The following CPAMD8 variants were observed in gnomAD, a reference collection of about 807,000 sequenced individuals.
The protein encoded by CPAMD8 is C3 and PZP like alpha-2-macroglobulin domain containing 8.
Under a neutral mutation model 224.7 loss-of-function variants are expected in CPAMD8, and 146 were observed. That is an observed-to-expected ratio of 0.65 (90% confidence interval 0.57 to 0.75). The LOEUF is 0.75. CPAMD8 is among the 30% of genes least tolerant of loss of function. The probability of loss-of-function intolerance (pLI) is 0.00; values close to 1 mark genes in which losing one functional copy is unlikely to be tolerated. For synonymous variants in CPAMD8, 966 were observed against 1,044.6 expected, an observed-to-expected ratio of 0.92 and a Z score of 1.45; for missense variants, 2,301 against 2,537.5, an observed-to-expected ratio of 0.91 and a Z score of 2.00.
chr19:16,914,402 C>A, intron 29 of CPAMD8, 22 bp downstream of exon 29: 1 of 1,611,594 alleles, frequency 6.2e-7, no homozygotes, highest in Non-Finnish European at 8.5e-7. Context: ...CCCGAGTCTC[C>A]CCAAACCCCT....
intron 18 of CPAMD8, among the ~76,000 whole-genome samples, chr19:16,965,270 G>A (rs1451651070): frequency 1.3e-5 from 2 of 150,772 alleles, no homozygotes; most frequent in Non-Finnish European, 3.0e-5. Flanking sequence ...AAAAAAAAAA[G>A]GTCTTCGACA....
intron 22 of CPAMD8, among the ~76,000 whole-genome samples, chr19:16,944,449 T>C (rs1364161125): frequency 6.6e-6 from 1 of 152,058 alleles, no homozygotes; most frequent in African/African-American, 2.4e-5. Flanking sequence ...CCTGTGTGCA[T>C]TGAGAAATCC....
intron 36 of CPAMD8, among the ~76,000 whole-genome samples, chr19:16,900,472 C>A (rs1022638787): frequency 6.6e-6 from 1 of 152,052 alleles, no homozygotes; most frequent in South Asian, 2.1e-4. Context: ...GTGGTGCATG[C>A]CTGTAATCCC....
chr19:17,022,581 C>T (rs536582491), intron 1 of CPAMD8, among the ~76,000 whole-genome samples: 1 of 152,028 alleles, frequency 6.6e-6, no homozygotes, highest in Non-Finnish European at 1.5e-5. Flanking sequence ...TCACTACAAC[C>T]TCCACCTCCC....
intron 21 of CPAMD8, among the ~76,000 whole-genome samples, chr19:16,946,262 ATG>A (rs1351324136): frequency 1.4e-4 from 20 of 144,378 alleles, no homozygotes; most frequent in South Asian, 4.5e-4. Flanking sequence ...ACATGTGGGC[ATG>A]TGTGTGTGTG....
At chr19:16,923,178 G>T (rs2053239526) in intron 26 of CPAMD8, among the ~76,000 whole-genome samples, 1 of 152,252 alleles carries the variant, frequency 6.6e-6, no homozygotes, top group African/African-American at 2.4e-5. Context: ...GCTGGGCTGG[G>T]AGTGTGGTTT....
chr19:17,003,093 G>A (rs1244387554), intron 8 of CPAMD8, among the ~76,000 whole-genome samples: 5 of 151,602 alleles, frequency 3.3e-5, no homozygotes, highest in Admixed American at 6.6e-5. Context: ...AGTAGAGATG[G>A]GGTTTCACCA....
At chr19:17,021,121 A>G (rs1286831436) in intron 2 of CPAMD8, among the ~76,000 whole-genome samples, 6 of 152,192 alleles carry the variant, frequency 3.9e-5, no homozygotes, top group African/African-American at 1.2e-4. Context: ...ATCAGAGGGA[A>G]TCCTGGGACT....
rs527677441 is a variant in CPAMD8 at position 16,969,991 on chromosome 19, T to C, written c.2213+900A>G. On this transcript the variant is annotated intron_variant, in intron 18 of 41. Transcript: ENST00000443236. The stretch of plus-strand genomic sequence containing the variant: ...GGCTCATGCCTGTAATCCCAGCACT[T>C]TGGGAAGCCAAGGTGGGCGAATCAC... 2.2e-3 allele frequency among the ~76,000 whole-genome samples: 334 copies of C among 151,782 alleles called. 1 individual carries two copies. The highest frequency in any genetic ancestry group is 7.7e-3 in the African/African-American group (320 of 41,392).
At position 16,893,166 on chromosome 19, in the gene CPAMD8, G is replaced by C. The variant is rs2051825571; in HGVS notation, c.5600C>G (p.Ala1867Gly). Residue 1867 changes from alanine to glycine, a missense_variant, in exon 42 of 42, where the codon GCC becomes GGC. Coordinates refer to ENST00000443236, the MANE Select transcript of CPAMD8 (RefSeq NM_015692.5). Reference protein sequence around the residue: ...LLSPVFVYSPAFQSGGEEGLW... With the variant: ...LLSPVFVYSPGFQSGGEEGLW... ...ACCCTCCTCCCCACCACTCTGAAAG[G>C]CTGGGCTGTAGACGAAGACAGGGCT... 1.3e-6 allele frequency: 2 copies of C among 1,592,092 alleles called. No individual in the cohort carries two copies. Among genetic ancestry groups the C allele is most frequent in the African/African-American group, 1.3e-5 (1 of 74,604 alleles).
In CPAMD8 at chr19:16,896,837, C is replaced by T. The variant is rs911214756; in HGVS notation, c.5066-172G>A. On this transcript the variant is annotated intron_variant, in intron 39 of 41. Transcript: ENST00000443236. ...TGAGCCCTGGCCTTATGGAATTTCA[C>T]GCAGGTATTTGCCTAATACTTACAA... The T allele has an allele frequency of 1.2e-5, 5 of 429,132 alleles. No individual in the cohort carries two copies. In the South Asian group the frequency reaches 3.7e-4, roughly 32 times the overall value. The allele number at this position is 429,132 out of a possible 1,614,324, so 26.6% of individuals were successfully genotyped here. A position where few individuals can be genotyped will look rare whatever the true frequency, so the allele number is the denominator to read the frequency against.
Position 16,925,218 on chromosome 19 carries a change from C to G in CPAMD8, c.3525G>C (p.Glu1175Asp), listed in dbSNP as rs372471932. Residue 1175 changes from glutamate to aspartate, a missense_variant, in exon 26 of 42, where the codon GAG becomes GAC. Transcript: ENST00000443236. The stretch of plus-strand genomic sequence containing the variant: ...TACCTTGTACTAGGTAGTCGGTGGT[C>G]TCTCTCTCCACCTCAGGGCTGAGCT... ...TQQLSPEVER[E>D]TTDYLVQGYQ... 5 of 1,614,142 alleles carry G rather than the reference C, an allele frequency of 3.1e-6. No homozygotes were observed. Among genetic ancestry groups the G allele is most frequent in the Non-Finnish European group, 3.4e-6 (4 of 1,179,988 alleles).
In CPAMD8 at chr19:16,897,947, C is replaced by T. The variant is rs1438853112; in HGVS notation, c.4896G>A (p.Glu1632=). The T allele has an allele frequency of 5.0e-6, 8 of 1,611,162 alleles. No individual in the cohort carries two copies. Among genetic ancestry groups the T allele is most frequent in the Middle Eastern group, 1.6e-4 (1 of 6,074 alleles). The part of the protein sequence containing the change: ...LTCVRFRALR[E]CVVGRTSALP... ...GCGCCGACGTCCTGCCCACCACGCA[C>T]TCCCGGAGAGCACGGAACCGCACGC... Residue 1632 remains glutamate, a synonymous_variant, in exon 38 of 42, where the codon GAG becomes GAA. Transcript: ENST00000443236.
chr19:16,941,892 G>C (rs2053905998), intron 22 of CPAMD8, among the ~76,000 whole-genome samples: 1 of 152,174 alleles, frequency 6.6e-6, no homozygotes. Flanking sequence ...AGACTCGCTT[G>C]AACAAGGAGG....
At chr19:16,945,867 G>A (rs1047481804) in intron 21 of CPAMD8, among the ~76,000 whole-genome samples, 188 bp from the exon 22 acceptor site, 1 of 152,108 alleles carries the variant, frequency 6.6e-6, no homozygotes, top group Non-Finnish European at 1.5e-5. Context: ...GTGTTTGAAT[G>A]TACAGGCTCA....
intron 7 of CPAMD8, among the ~76,000 whole-genome samples, chr19:17,007,573 G>A (rs2056527482): frequency 6.6e-6 from 1 of 152,076 alleles, no homozygotes; most frequent in Admixed American, 6.6e-5. Context: ...GCAGGAGACA[G>A]AAGGAGGAAG....
intron 36 of CPAMD8, among the ~76,000 whole-genome samples, chr19:16,900,674 T>C (rs7245967): frequency 0.28 from 42,822 of 151,592 alleles, 6,524 homozygotes; most frequent in Non-Finnish European, 0.34. Context: ...CCTCACCCCA[T>C]CTACTCCTCA....
At chr19:17,016,435 T>C (rs2056813466) in intron 3 of CPAMD8, among the ~76,000 whole-genome samples, 1 of 152,164 alleles carries the variant, frequency 6.6e-6, no homozygotes, top group Admixed American at 6.6e-5. Flanking sequence ...TCTTAACACC[T>C]GCTCCAGGGA....
intron 18 of CPAMD8, among the ~76,000 whole-genome samples, chr19:16,959,862 G>T (rs1172736707): frequency 1.3e-5 from 2 of 152,092 alleles, no homozygotes; most frequent in Non-Finnish European, 2.9e-5. Flanking sequence ...TCTTTGAAAA[G>T]TGTCTGCTCA....
Sources: gnomAD v4.1 joint callset for allele counts (sites outside exome capture counted in the v4.1 genomes callset) on GRCh38, gnomAD v4.1.1 for gene constraint, MANE v1.5 for transcripts, NCBI Gene and HGNC (gene_info 2026-07-23, HGNC 2026-07-21) for gene names.